Variants in ADGRL2 observed in about 807,000 individuals in gnomAD.
ADGRL2 encodes the protein adhesion G protein-coupled receptor L2.
Under a neutral mutation model 157.4 loss-of-function variants are expected in ADGRL2, and 44 were observed. The ratio of observed to expected loss-of-function variants is 0.28; its 90% CI spans 0.22 to 0.36. The LOEUF (loss-of-function observed/expected upper bound fraction) is 0.36. ADGRL2 is among the 10% of genes least tolerant of loss of function. ADGRL2 has a pLI of 1.00. For synonymous variants in ADGRL2, 585 were observed against 624.7 expected, an observed-to-expected ratio of 0.94 and a Z score of 0.95; for missense variants, 1,510 against 1,768.9, an observed-to-expected ratio of 0.85 and a Z score of 2.63.
rs188129932 is a variant in ADGRL2 at position 81,648,667 on chromosome 1, G to A, written c.-143+67687G>A. On this transcript the variant is annotated intron_variant, in intron 3 of 24. Coordinates refer to the ADGRL2 transcript ENST00000370721. Reference sequence around the variant, plus strand: ...ATAAAATTTCTGATCCTGCTTGAAGGATGGGTTAGCTTTGCACAGCTCTTA... The same window carrying A: ...ATAAAATTTCTGATCCTGCTTGAAGAATGGGTTAGCTTTGCACAGCTCTTA... Among the ~76,000 whole-genome samples the A allele has an allele frequency of 3.5e-3, 536 of 152,244 alleles. 4 individuals carry two copies. Among genetic ancestry groups the A allele is most frequent in the Non-Finnish European group, 5.5e-3 (371 of 68,020 alleles).
chr1:81,337,573 A>T (rs893353501), intron 1 of ADGRL2, among the ~76,000 whole-genome samples: 2 of 152,182 alleles, frequency 1.3e-5, no homozygotes, highest in African/African-American at 2.4e-5. Context: ...AGAAATCATC[A>T]TTTGCTTTAT....
rs1408102476 is a variant in ADGRL2 at position 81,950,224 on chromosome 1, G to C, written c.1246G>C (p.Glu416Gln). ...TTAVTITSSAELFKTIISTTS... is the reference protein window; with the variant it reads ...TTAVTITSSAQLFKTIISTTS... ...AGCTGTGACAATAACTTCTTCAGCTGAGCTGTTCAAAACCATAATATCAAC... is the reference window on the plus strand; with the variant it reads ...AGCTGTGACAATAACTTCTTCAGCTCAGCTGTTCAAAACCATAATATCAAC... Residue 416 changes from glutamate (E) to glutamine (Q), a missense_variant, in exon 7 of 24, where the codon GAG becomes CAG. Transcript: ENST00000686636. 1.2e-6 allele frequency: 2 copies of C among 1,613,938 alleles called. No homozygotes were observed. The highest frequency in any genetic ancestry group is 1.7e-6 in the Non-Finnish European group (2 of 1,179,918).
chr1:81,990,268 CAAGT>C, intron 23 of ADGRL2, 119 bp from the exon 24 acceptor site: 1 of 1,500,982 alleles, frequency 6.7e-7, no homozygotes, highest in South Asian at 1.4e-5. Flanking sequence ...TGGCACTTTT[CAAGT>C]GTTAGCTTTC....
chr1:81,881,982 C>T (rs1274913305), intron 2 of ADGRL2, among the ~76,000 whole-genome samples: 2 of 151,882 alleles, frequency 1.3e-5, no homozygotes, highest in African/African-American at 2.4e-5. Flanking sequence ...CCCTTTTTTT[C>T]CTGAGTCTAT....
At chr1:81,635,165 G>A (rs369666777) in intron 3 of ADGRL2, among the ~76,000 whole-genome samples, 7 of 152,228 alleles carry the variant, frequency 4.6e-5, no homozygotes, top group Middle Eastern at 6.8e-3. Context: ...ATGAGCCTCC[G>A]TCATCCACAG....
At chr1:81,949,077 A>G (rs1274913383) in intron 6 of ADGRL2, among the ~76,000 whole-genome samples, 2 of 152,036 alleles carry the variant, frequency 1.3e-5, no homozygotes, top group African/African-American at 2.4e-5. Context: ...AAAGTGTAAA[A>G]TAAGTTGATT....
Position 81,709,389 on chromosome 1 carries a change from C to T in ADGRL2, c.-143+9581C>T, listed in dbSNP as rs1444187900. On this transcript the variant is annotated intron_variant, in intron 1 of 20. Transcript: ENST00000359929. ...GCTCCTTTCCTGCAAGAGACTATCT[C>T]CTCTATTCAGTGAGACTAAAAAAAT... is the stretch of plus-strand genomic sequence containing the variant. 3.9e-5 allele frequency among the ~76,000 whole-genome samples: 6 copies of T among 152,240 alleles called. No homozygotes were observed. The East Asian group carries it at 1.2e-3, about 29-fold the overall frequency.
intron 1 of ADGRL2, among the ~76,000 whole-genome samples, chr1:81,415,030 G>A (rs1459812883): frequency 1.3e-5 from 2 of 152,138 alleles, no homozygotes; most frequent in African/African-American, 2.4e-5. Flanking sequence ...CAGACGTTGT[G>A]TAAAGAAAGG....
At chr1:81,959,373 C>T (rs2149191510) in intron 11 of ADGRL2, among the ~76,000 whole-genome samples, 1 of 152,232 alleles carries the variant, frequency 6.6e-6, no homozygotes, top group South Asian at 2.1e-4. Context: ...TAAATGAATT[C>T]TAAAGATTCT....
intron 3 of ADGRL2, among the ~76,000 whole-genome samples, chr1:81,584,667 A>G (rs534525491): frequency 2.4e-4 from 37 of 152,272 alleles, no homozygotes; most frequent in African/African-American, 8.9e-4. Flanking sequence ...TTAACTAAAC[A>G]AAAGTGTTGA....
At chr1:81,546,867 C>T (rs2080029778) in intron 2 of ADGRL2, among the ~76,000 whole-genome samples, 1 of 152,156 alleles carries the variant, frequency 6.6e-6, no homozygotes, top group Non-Finnish European at 1.5e-5. Context: ...CAGAGGTGGT[C>T]ATCTCAGGAG....
intron 1 of ADGRL2, chr1:81,426,477 C>A: frequency 2.5e-6 from 1 of 393,342 alleles, no homozygotes; most frequent in East Asian, 7.5e-5. Context: ...AACTGATGCC[C>A]AGTGGCCCCA....
Position 81,984,531 on chromosome 1 carries a change from G to GAGA in ADGRL2, c.3283-49_3283-47dup, listed in dbSNP as rs1198735701. On this transcript the variant is annotated intron_variant, in intron 19 of 23. Transcript: ENST00000686636. ...TTCACTGTTCATTTAATTAGAGAGA[G>GAGA]AGAAGCAAGTGTGTTATATTAATCC... The GAGA allele has an allele frequency of 1.2e-5, 17 of 1,426,122 alleles. No homozygotes were observed. In the African/African-American group the frequency reaches 2.4e-4, roughly 20 times the overall value. 88.3% of individuals were successfully genotyped at this position (1,426,122 alleles called of 1,614,324 possible).
intron 2 of ADGRL2, among the ~76,000 whole-genome samples, chr1:81,894,609 T>C (rs2094341511): frequency 6.6e-6 from 1 of 152,140 alleles, no homozygotes; most frequent in Non-Finnish European, 1.5e-5. Context: ...ATTTCATGTA[T>C]GTAGCATCAT....
chr1:81,475,005 C>T (rs1280075130), intron 2 of ADGRL2, among the ~76,000 whole-genome samples: 1 of 152,156 alleles, frequency 6.6e-6, no homozygotes, highest in Non-Finnish European at 1.5e-5. Flanking sequence ...GACAACTGCG[C>T]TAGGAACCCA....
intron 1 of ADGRL2, among the ~76,000 whole-genome samples, chr1:81,344,824 C>T (rs1362533826): frequency 6.6e-6 from 1 of 152,094 alleles, no homozygotes; most frequent in Non-Finnish European, 1.5e-5. Context: ...TGCTATTGAT[C>T]AAGTGAAGTT....
intron 2 of ADGRL2, among the ~76,000 whole-genome samples, chr1:81,453,805 G>GA (rs1192876724): frequency 1.3e-5 from 2 of 152,092 alleles, no homozygotes; most frequent in African/African-American, 2.4e-5. Flanking sequence ...GCAATGTTGT[G>GA]ATGTCCCTTA....
chr1:81,407,632 G>A (rs2076876270), intron 1 of ADGRL2, among the ~76,000 whole-genome samples: 1 of 152,236 alleles, frequency 6.6e-6, no homozygotes, highest in Non-Finnish European at 1.5e-5. Context: ...ACATAGGAGA[G>A]ATGCATTCTC....
intron 3 of ADGRL2, among the ~76,000 whole-genome samples, chr1:81,675,109 G>A (rs952578373): frequency 6.6e-6 from 1 of 152,100 alleles, no homozygotes; most frequent in Non-Finnish European, 1.5e-5. Flanking sequence ...ACACTGAAAC[G>A]AAATAACATA....
Sources: allele counts gnomAD v4.1 joint callset (sites outside exome capture counted in the v4.1 genomes callset), GRCh38; gene constraint gnomAD v4.1.1; transcripts MANE v1.5; gene names NCBI Gene and HGNC (gene_info 2026-07-23, HGNC 2026-07-21).